Variants in PCDH11X observed in about 807,000 individuals in gnomAD.
PCDH11X encodes protocadherin-11 X-linked.
Under a neutral mutation model 53.3 loss-of-function variants are expected in PCDH11X, and 18 were observed. The observed-to-expected ratio is 0.34, with a 90% confidence interval of 0.23 to 0.50. The LOEUF is 0.50. Ranked by LOEUF, PCDH11X falls within the 20% of genes least tolerant of loss-of-function variation. The pLI is 0.98. For missense variants in PCDH11X, 570 were observed against 1,032.4 expected, an observed-to-expected ratio of 0.55 and a Z score of 6.14; for synonymous variants, 279 against 393.3, an observed-to-expected ratio of 0.71 and a Z score of 3.44.
At chrX:92,003,510 CT>C (rs34539864) in intron 6 of PCDH11X, among the ~76,000 whole-genome samples, 1,571 of 95,506 alleles carry the variant, frequency 0.016, 32 homozygotes, top group African/African-American at 0.054. Flanking sequence ...GGGTCCCAGG[CT>C]TTTTTTTTTT....
intron 9 of PCDH11X, among the ~76,000 whole-genome samples, chrX:92,392,913 T>A (rs1009764606): frequency 6.4e-5 from 7 of 108,661 alleles, no homozygotes; most frequent in Non-Finnish European, 1.2e-4. Flanking sequence ...GGAGTAGTAT[T>A]GGTTAGTATA....
intron 6 of PCDH11X, among the ~76,000 whole-genome samples, chrX:92,065,981 C>A (rs1168864123): frequency 1.8e-5 from 2 of 111,776 alleles, no homozygotes; most frequent in Non-Finnish European, 3.8e-5. Flanking sequence ...GTAGTACTTT[C>A]ATAGTCTTAG....
Position 92,256,857 on chromosome X carries a change from C to T in PCDH11X, c.3115-6257C>T, listed in dbSNP as rs747437695. On this transcript the variant is annotated intron_variant, in intron 7 of 10. Transcript: ENST00000682573. ...TTACTTTGCTGAGGATAATGGCTTC[C>T]AGCTCCATCCATGTCCCTGAAAAGG... Among the ~76,000 whole-genome samples the T allele has an allele frequency of 2.0e-3, 224 of 111,164 alleles. 1 individual carries two copies. The highest frequency in any genetic ancestry group is 7.0e-3 in the African/African-American group (215 of 30,547).
intron 6 of PCDH11X, among the ~76,000 whole-genome samples, chrX:91,968,130 C>A (rs377211956): frequency 8.9e-6 from 1 of 111,763 alleles, no homozygotes; most frequent in African/African-American, 3.3e-5. Context: ...AGAATCAACT[C>A]TTCACTGTAA....
At chrX:91,948,868 C>A (rs1447238218) in intron 6 of PCDH11X, among the ~76,000 whole-genome samples, 2 of 110,289 alleles carry the variant, frequency 1.8e-5, no homozygotes, top group Admixed American at 1.9e-4. Context: ...TTGCTGAAGA[C>A]AGGCCAGGAT....
At chrX:91,973,232 G>A (rs2061993874) in intron 6 of PCDH11X, among the ~76,000 whole-genome samples, 1 of 91,154 alleles carries the variant, frequency 1.1e-5, no homozygotes. Context: ...GGTGGGAATT[G>A]AACAATGAGA....
chrX:92,523,093 A>G (rs1274829541), intron 10 of PCDH11X, among the ~76,000 whole-genome samples: 1 of 112,181 alleles, frequency 8.9e-6, no homozygotes, highest in Non-Finnish European at 1.9e-5. Context: ...ATCCTTTAAA[A>G]TGTGTCTTAT....
chrX:92,525,006 T>C (rs1023116556), intron 10 of PCDH11X, among the ~76,000 whole-genome samples: 3 of 111,594 alleles, frequency 2.7e-5, no homozygotes, highest in African/African-American at 9.8e-5. Flanking sequence ...TATAAAACAG[T>C]GCCAGAAAGG....
At position 91,843,263 on chromosome X, in the gene PCDH11X, ATGTGTGTG is replaced by A. The variant is rs3067347; in HGVS notation, c.540+7251_540+7258del. ...TTATTTTATATATACATACATACTT[ATGTGTGTG>A]TGTGTGTGTGTGTGTGTGTGTGTGT... On this transcript the variant is annotated intron_variant, in intron 5 of 10. Coordinates refer to ENST00000682573, the MANE Select transcript of PCDH11X (RefSeq NM_032968.5). 7.1e-4 allele frequency among the ~76,000 whole-genome samples: 65 copies of A among 91,394 alleles called. 3 individuals are homozygous for A. Among genetic ancestry groups the A allele is most frequent in the African/African-American group, 8.0e-4 (20 of 25,076 alleles). 79.4% of individuals were successfully genotyped at this position (91,394 alleles called of 115,157 possible). A position where few individuals can be genotyped will look rare whatever the true frequency, so the allele number is the denominator to read the frequency against.
rs375004315 is a variant in PCDH11X, at chrX:91,909,818, T to G, written c.3033+30545T>G. ...TATAATGCGCAAATCAAAATTATAT[T>G]CAAGTTGTACAACGTGATATTTTGA... On this transcript the variant is annotated intron_variant, in intron 6 of 10. Transcript: ENST00000682573. 5.4e-5 allele frequency among the ~76,000 whole-genome samples: 6 copies of G among 111,711 alleles called. No individual in the cohort carries two copies. The East Asian group carries it at 1.1e-3, about 21-fold the overall frequency.
intron 8 of PCDH11X, among the ~76,000 whole-genome samples, chrX:92,342,906 T>C (rs1401816667): frequency 1.8e-5 from 2 of 112,291 alleles, no homozygotes; most frequent in Admixed American, 9.5e-5. Context: ...GTAGTTATAT[T>C]ATTCCATTTA....
intron 7 of PCDH11X, among the ~76,000 whole-genome samples, chrX:92,214,082 C>A (rs951473295): frequency 9.0e-6 from 1 of 111,509 alleles, no homozygotes; most frequent in Non-Finnish European, 1.9e-5. Context: ...CTGCTAAAAG[C>A]TCATCACTTG....
rs765280447 is a variant in PCDH11X at position 92,618,554 on chromosome X, C to T, written c.3658C>T (p.His1220Tyr). ...ACCACCGATACAGGTGTCTGCTCTC[C>T]ACCACAGTCCTCCTCTAGTGCAGGC... is the stretch of plus-strand genomic sequence containing the variant. Reference protein sequence around the residue: ...SPPPIQVSALHHSPPLVQATA... With the variant: ...SPPPIQVSALYHSPPLVQATA... Residue 1220 changes from histidine (H) to tyrosine (Y), a missense_variant, in exon 11 of 11, where the codon CAC becomes TAC. His to Tyr is a moderately conservative substitution (Grantham distance 83). Coordinates refer to ENST00000682573, the MANE Select transcript of PCDH11X (RefSeq NM_032968.5). 12 of 1,209,920 alleles carry T rather than the reference C, an allele frequency of 9.9e-6. No homozygotes were observed. Among genetic ancestry groups the T allele is most frequent in the East Asian group, 3.0e-5 (1 of 33,762 alleles).
intron 6 of PCDH11X, among the ~76,000 whole-genome samples, chrX:92,147,810 C>CTTTTTCTTTCTTTCTTTCTTTCT (rs1556065506): frequency 7.1e-5 from 5 of 70,198 alleles, no homozygotes; most frequent in African/African-American, 2.7e-4. Context: ...TTTCTTCCTT[C>CTTTTTCTTTCTTTCTTTCTTTCT]CTTTCTTTCT....
chrX:92,268,907 A>G (rs779550465), intron 8 of PCDH11X, among the ~76,000 whole-genome samples: 6 of 112,287 alleles, frequency 5.3e-5, no homozygotes, highest in Admixed American at 2.8e-4. Flanking sequence ...TCAGTGTTAC[A>G]ACTGTTAATG....
intron 10 of PCDH11X, among the ~76,000 whole-genome samples, chrX:92,537,664 A>C (rs1399209913): frequency 1.8e-5 from 2 of 108,195 alleles, no homozygotes; most frequent in East Asian, 5.8e-4. Flanking sequence ...AAAAAAAAAA[A>C]AACCAGACAT....
At chrX:92,430,175 G>T (rs1361661620) in intron 9 of PCDH11X, among the ~76,000 whole-genome samples, 24 of 93,020 alleles carry the variant, frequency 2.6e-4, no homozygotes, top group African/African-American at 8.5e-4. Flanking sequence ...TAATATTTCT[G>T]TTCTGATTCC....
At chrX:92,288,075 T>TTTCTTTATAAACTACCCAGTCTCAGGTAG (rs1275077701) in intron 8 of PCDH11X, 2 of 492,559 alleles carry the variant, frequency 4.1e-6, no homozygotes, top group African/African-American at 4.7e-5. Context: ...ATAAGCCTCT[T>TTTCTTTATAAACTACCCAGTCTCAGGTAG]TTCTTTATAA....
chrX:91,975,155 T>G (rs2062029529), intron 6 of PCDH11X, among the ~76,000 whole-genome samples: 1 of 111,148 alleles, frequency 9.0e-6, no homozygotes, highest in African/African-American at 3.3e-5. Context: ...CAGGAGAGAA[T>G]GGTGGCTTGC....
Sources: gnomAD v4.1 joint callset for allele counts (sites outside exome capture counted in the v4.1 genomes callset) on GRCh38, gnomAD v4.1.1 for gene constraint, MANE v1.5 for transcripts, NCBI Gene and HGNC (gene_info 2026-07-23, HGNC 2026-07-21) for gene names.